Variants in TRMT11 observed in about 807,000 individuals in gnomAD.
The protein encoded by TRMT11 is tRNA (guanine(10)-N(2))-methyltransferase TRMT11.
Under a neutral mutation model 62.8 loss-of-function variants are expected in TRMT11, and 53 were observed. The observed-to-expected ratio is 0.84, with a 90% CI of 0.68 to 1.06. The LOEUF is 1.06. Ranked by LOEUF, TRMT11 falls within the 50% of genes least tolerant of loss-of-function variation. The pLI is 0.00. For missense variants in TRMT11, 556 were observed against 553.4 expected, an observed-to-expected ratio of 1.00 and a Z score of -0.05; for synonymous variants, 188 against 190.3, an observed-to-expected ratio of 0.99 and a Z score of 0.10.
At chr6:126,068,036 A>G (rs531963562) in intron 17 of TRMT11, among the ~76,000 whole-genome samples, 3 of 152,190 alleles carry the variant, frequency 2.0e-5, no homozygotes, top group African/African-American at 7.2e-5. Context: ...ACTGCTTATA[A>G]TTTTTATTTT....
the TRMT11 span, among the ~76,000 whole-genome samples, chr6:126,259,505 A>G: frequency 6.6e-6 from 1 of 151,954 alleles, no homozygotes; most frequent in Non-Finnish European, 1.5e-5. Flanking sequence ...CCTGCACCAC[A>G]TTTTCTTTAT....
chr6:126,046,731 GTTCA>G (rs978339425), intron 16 of TRMT11, among the ~76,000 whole-genome samples: 18 of 152,322 alleles, frequency 1.2e-4, no homozygotes, highest in African/African-American at 4.3e-4. Context: ...TTTGGGCAAG[GTTCA>G]TAATAGGAAA....
the TRMT11 span, among the ~76,000 whole-genome samples, chr6:126,228,669 G>A: frequency 6.6e-6 from 1 of 152,220 alleles, no homozygotes; most frequent in African/African-American, 2.4e-5. Flanking sequence ...AGATAATTGG[G>A]GGCTGCTGCG....
intron 17 of TRMT11, among the ~76,000 whole-genome samples, chr6:126,056,585 C>T (rs1776381596): frequency 6.6e-6 from 1 of 152,116 alleles, no homozygotes; most frequent in South Asian, 2.1e-4. Flanking sequence ...CTGGGCTACT[C>T]AACTCCTTTC....
chr6:126,119,889 G>C (rs1479340323), intron 21 of TRMT11, among the ~76,000 whole-genome samples: 1 of 152,054 alleles, frequency 6.6e-6, no homozygotes, highest in Non-Finnish European at 1.5e-5. Context: ...TGTTCACTGG[G>C]ACATTATTTA....
At chr6:126,195,100 A>G (rs918191333) in intron 1 of TRMT11, among the ~76,000 whole-genome samples, 3 of 152,216 alleles carry the variant, frequency 2.0e-5, no homozygotes, top group Admixed American at 6.5e-5. Flanking sequence ...TGGGAGGCAG[A>G]GTGAGACCCT....
chr6:126,076,543 A>T (rs902882967), intron 17 of TRMT11, among the ~76,000 whole-genome samples: 4 of 152,318 alleles, frequency 2.6e-5, no homozygotes, highest in African/African-American at 9.6e-5. Context: ...GTTGAGTTGG[A>T]TTTCTGCAAC....
intron 17 of TRMT11, among the ~76,000 whole-genome samples, chr6:126,056,486 C>G (rs955605791): frequency 2.6e-5 from 4 of 152,138 alleles, no homozygotes; most frequent in Non-Finnish European, 5.9e-5. Context: ...GAAGCGGTAG[C>G]CTCTCTTAGG....
the TRMT11 span, among the ~76,000 whole-genome samples, chr6:126,245,811 T>C: frequency 6.6e-6 from 1 of 152,106 alleles, no homozygotes; most frequent in Non-Finnish European, 1.5e-5. Flanking sequence ...CAAAAAACCG[T>C]TATAGGCTGG....
intron 21 of TRMT11, among the ~76,000 whole-genome samples, chr6:126,145,481 T>C (rs1777963839): frequency 6.6e-6 from 1 of 152,162 alleles, no homozygotes; most frequent in African/African-American, 2.4e-5. Flanking sequence ...CAGCCAACTT[T>C]CCATTTAGCG....
intron 12 of TRMT11, among the ~76,000 whole-genome samples, chr6:126,021,699 CCA>C (rs1381251439): frequency 1.3e-5 from 2 of 152,022 alleles, no homozygotes; most frequent in Non-Finnish European, 2.9e-5. Context: ...GTAAATGTCC[CCA>C]GTTTGTTAGG....
At chr6:126,015,764 G>A (rs1479654495) in intron 11 of TRMT11, among the ~76,000 whole-genome samples, 1 of 152,024 alleles carries the variant, frequency 6.6e-6, no homozygotes, top group South Asian at 2.1e-4. Context: ...TTGGTCTTCT[G>A]TGGTCTGGAA....
the TRMT11 span, among the ~76,000 whole-genome samples, chr6:126,212,920 G>A: frequency 2.6e-5 from 4 of 151,986 alleles, no homozygotes; most frequent in East Asian, 1.9e-4. Context: ...GATTTAAGTC[G>A]TTAATCCATT....
At chr6:126,088,765 C>T (rs1777241854) in intron 17 of TRMT11, among the ~76,000 whole-genome samples, 1 of 152,034 alleles carries the variant, frequency 6.6e-6, no homozygotes, top group Admixed American at 6.6e-5. Flanking sequence ...ATGGGAGAAC[C>T]AAAGTCCAAG....
intron 17 of TRMT11, among the ~76,000 whole-genome samples, chr6:126,097,556 A>G (rs1052411178): frequency 1.3e-5 from 2 of 152,146 alleles, no homozygotes; most frequent in African/African-American, 4.8e-5. Context: ...ATTTTATTGC[A>G]TGCATATCAA....
the TRMT11 span, among the ~76,000 whole-genome samples, chr6:126,247,508 C>A: frequency 3.8e-3 from 530 of 140,478 alleles, 1 homozygote; most frequent in East Asian, 0.011. Context: ...CTATCTCTCT[C>A]TATATATAAA....
chr6:126,071,522 A>G (rs1031728439), intron 17 of TRMT11, among the ~76,000 whole-genome samples: 1 of 152,192 alleles, frequency 6.6e-6, no homozygotes, highest in Non-Finnish European at 1.5e-5. Flanking sequence ...ACACATTGTC[A>G]GTGATTTATT....
chr6:125,991,631 T>C (rs2050346863), intron 1 of TRMT11, among the ~76,000 whole-genome samples: 1 of 152,094 alleles, frequency 6.6e-6, no homozygotes, highest in African/African-American at 2.4e-5. Flanking sequence ...ATCAGTGATA[T>C]AGAATCTCTT....
chr6:126,104,107 T>G (rs1237218817), intron 17 of TRMT11, among the ~76,000 whole-genome samples: 1 of 152,202 alleles, frequency 6.6e-6, no homozygotes, highest in Non-Finnish European at 1.5e-5. Flanking sequence ...TACTAAATAA[T>G]CACCATCAAA....
Sources: allele counts gnomAD v4.1 joint callset (sites outside exome capture counted in the v4.1 genomes callset), GRCh38; gene constraint gnomAD v4.1.1; transcripts MANE v1.5; gene names NCBI Gene and HGNC (gene_info 2026-07-23, HGNC 2026-07-21).